The following NRXN3 variants were observed in gnomAD, a reference collection of about 807,000 sequenced individuals.
NRXN3 encodes neurexin III.
Under a neutral mutation model 137.6 loss-of-function variants are expected in NRXN3, and 32 were observed. The observed-to-expected ratio is 0.23, with a 90% confidence interval of 0.18 to 0.31. The LOEUF is 0.31. Among genes scored for constraint, NRXN3 ranks in the 10% least tolerant of loss-of-function variants. The pLI, the probability that NRXN3 is intolerant of heterozygous loss-of-function variation, is 1.00. For missense variants in NRXN3, 1,574 were observed against 2,062.5 expected (o/e 0.76, Z 4.59); for synonymous variants, 798 against 784.5 (o/e 1.02, Z -0.29).
At chr14:78,414,625 A>G (rs1356865527) in intron 4 of NRXN3, among the ~76,000 whole-genome samples, 1 of 152,310 alleles carries the variant, frequency 6.6e-6, no homozygotes, top group Middle Eastern at 3.4e-3. Flanking sequence ...TACCAGATCT[A>G]TTCCTCTCCA....
intron 19 of NRXN3, among the ~76,000 whole-genome samples, chr14:79,710,646 T>C (rs2098800123): frequency 6.6e-6 from 1 of 152,240 alleles, no homozygotes; most frequent in African/African-American, 2.4e-5. Context: ...GATATATAAC[T>C]GAGGTGCCCC....
intron 10 of NRXN3, among the ~76,000 whole-genome samples, chr14:78,894,042 AG>A (rs1354382359): frequency 6.6e-6 from 1 of 151,928 alleles, no homozygotes; most frequent in Admixed American, 6.6e-5. Context: ...TTACTTGTGA[AG>A]GGTCTTGCCT....
At chr14:79,403,261 G>A (rs2095247233) in intron 15 of NRXN3, among the ~76,000 whole-genome samples, 1 of 152,114 alleles carries the variant, frequency 6.6e-6, no homozygotes, top group Non-Finnish European at 1.5e-5. Context: ...ACATATGCAT[G>A]GGCCTCCTTA....
intron 20 of NRXN3, among the ~76,000 whole-genome samples, chr14:79,813,367 A>G (rs1332396549): frequency 1.3e-5 from 2 of 152,184 alleles, no homozygotes; most frequent in African/African-American, 4.8e-5. Flanking sequence ...TATACCTTGT[A>G]TATATTTGAA....
In NRXN3 at chr14:79,359,736, A is replaced by G. The variant is rs145799974; in HGVS notation, c.3263-107485A>G. Among the ~76,000 whole-genome samples the G allele has an allele frequency of 6.5e-3, 983 of 151,974 alleles. 10 individuals are homozygous for G. The highest frequency in any genetic ancestry group is 0.022 in the African/African-American group (916 of 41,456). The stretch of plus-strand genomic sequence containing the variant: ...CCGGTGTGTGCCACCACACCTGGCT[A>G]ATTTTTGTATTTTTAGTAGACATGG... On this transcript the variant is annotated intron_variant, in intron 15 of 20. Coordinates refer to ENST00000335750, the MANE Select transcript of NRXN3 (RefSeq NM_001330195.2).
chr14:79,504,138 T>A (rs2096850558), intron 16 of NRXN3, among the ~76,000 whole-genome samples: 2 of 152,162 alleles, frequency 1.3e-5, no homozygotes, highest in East Asian at 3.9e-4. Context: ...CTAAATGACC[T>A]CTCTGAAGTG....
At chr14:78,291,680 C>T (rs191126981) in intron 3 of NRXN3, among the ~76,000 whole-genome samples, 97 of 152,318 alleles carry the variant, frequency 6.4e-4, no homozygotes, top group African/African-American at 2.3e-3. Context: ...GTGAATGTTT[C>T]TATGACCTTC....
chr14:78,779,559 T>G (rs545202158), intron 8 of NRXN3, among the ~76,000 whole-genome samples: 1 of 152,272 alleles, frequency 6.6e-6, no homozygotes, highest in East Asian at 1.9e-4. Flanking sequence ...TACTTTTATT[T>G]GCAGAAAGTC....
chr14:79,667,468 G>A (rs1050475776), intron 17 of NRXN3, among the ~76,000 whole-genome samples: 1 of 151,946 alleles, frequency 6.6e-6, no homozygotes, highest in Non-Finnish European at 1.5e-5. Context: ...TCTTCTCATG[G>A]GCATTTATGG....
chr14:79,111,116 G>A (rs1373922001), intron 15 of NRXN3, among the ~76,000 whole-genome samples: 2 of 151,944 alleles, frequency 1.3e-5, no homozygotes, highest in African/African-American at 4.8e-5. Flanking sequence ...AAAGTTTTTT[G>A]GGAAATTGAG....
At chr14:78,528,904 A>G (rs911909356) in intron 4 of NRXN3, among the ~76,000 whole-genome samples, 2 of 152,142 alleles carry the variant, frequency 1.3e-5, no homozygotes, top group Non-Finnish European at 1.5e-5. Flanking sequence ...TGCCTGATGC[A>G]AGTGAGGCAC....
chr14:79,705,400 CAAG>C (rs1048503163), intron 19 of NRXN3, among the ~76,000 whole-genome samples: 5 of 152,112 alleles, frequency 3.3e-5, no homozygotes, highest in African/African-American at 9.7e-5. Flanking sequence ...GAACACAGAG[CAAG>C]AAGAAGGGTG....
intron 17 of NRXN3, among the ~76,000 whole-genome samples, chr14:79,680,679 G>T (rs2098665942): frequency 6.6e-6 from 1 of 151,978 alleles, no homozygotes; most frequent in Non-Finnish European, 1.5e-5. Context: ...GGCCCTGTTT[G>T]CTCAGAAAAA....
chr14:78,833,925 A>G (rs1212946322), intron 10 of NRXN3, among the ~76,000 whole-genome samples: 1 of 152,228 alleles, frequency 6.6e-6, no homozygotes, highest in African/African-American at 2.4e-5. Context: ...TGAACAAGAC[A>G]GCTTATATTT....
chr14:78,421,130 G>A (rs1361286047), intron 4 of NRXN3, among the ~76,000 whole-genome samples: 2 of 152,064 alleles, frequency 1.3e-5, no homozygotes, highest in South Asian at 2.1e-4. Context: ...GGGTGTGGTG[G>A]CATGTGCCTG....
At chr14:78,310,733 G>T (rs1161051467) in intron 4 of NRXN3, among the ~76,000 whole-genome samples, 5 of 152,026 alleles carry the variant, frequency 3.3e-5, no homozygotes, top group Non-Finnish European at 1.5e-5. Flanking sequence ...TCAGAATGCT[G>T]GGGAATAAAA....
intron 19 of NRXN3, among the ~76,000 whole-genome samples, chr14:79,792,378 T>C (rs2099147998): frequency 6.6e-6 from 1 of 152,210 alleles, no homozygotes; most frequent in African/African-American, 2.4e-5. Context: ...TCCAATCACC[T>C]CAAATGAGAC....
At chr14:79,232,112 G>A (rs1012177548) in intron 15 of NRXN3, among the ~76,000 whole-genome samples, 2 of 151,970 alleles carry the variant, frequency 1.3e-5, no homozygotes, top group Non-Finnish European at 2.9e-5. Flanking sequence ...AAATAATTTG[G>A]CCCAGGTCAT....
chr14:78,942,171 T>A (rs1335963201), intron 10 of NRXN3, among the ~76,000 whole-genome samples: 1 of 152,208 alleles, frequency 6.6e-6, no homozygotes, highest in Non-Finnish European at 1.5e-5. Flanking sequence ...CACAGAGTTC[T>A]TCCCTTCAAG....
Sources: gnomAD v4.1 joint callset for allele counts (sites outside exome capture counted in the v4.1 genomes callset) on GRCh38, gnomAD v4.1.1 for gene constraint, MANE v1.5 for transcripts, NCBI Gene and HGNC (gene_info 2026-07-23, HGNC 2026-07-21) for gene names.